The following PPP1R3F variants were observed in gnomAD, a reference collection of about 807,000 sequenced individuals.
The protein encoded by PPP1R3F is protein phosphatase 1, regulatory (inhibitor) subunit 3F.
Under a neutral mutation model 24.2 loss-of-function variants are expected in PPP1R3F, and 29 were observed. The ratio of observed to expected loss-of-function variants is 1.20; its 90% CI spans 0.89 to 1.63. PPP1R3F has a LOEUF of 1.63. PPP1R3F is among the 40% of genes most tolerant of loss of function. The pLI, the probability that PPP1R3F is intolerant of heterozygous loss-of-function variation, is 0.00. For missense variants in PPP1R3F, 823 were observed against 729.3 expected, an observed-to-expected ratio of 1.13 and a Z score of -1.48; for synonymous variants, 363 against 340.1, an observed-to-expected ratio of 1.07 and a Z score of -0.74.
rs1276668976 is a variant in PPP1R3F, at chrX:49,287,325, C to G, written c.*235C>G. On this transcript the variant is annotated 3_prime_UTR_variant, in exon 4 of 4. Coordinates refer to ENST00000055335, the MANE Select transcript of PPP1R3F (RefSeq NM_033215.5). ...AACTGGGCATGTCCTCCGCCTACCC[C>G]CCGAGCCTGTATTTATTTTTGTATA... 1.3e-5 allele frequency: 5 copies of G among 371,025 alleles called. No homozygotes were observed. In the Admixed American group the frequency reaches 2.0e-4, roughly 15 times the overall value. The allele number at this position is 371,025 out of a possible 1,213,427, so 30.6% of individuals were successfully genotyped here. A position where few individuals can be genotyped will look rare whatever the true frequency, so the allele number is the denominator to read the frequency against.
In PPP1R3F at chrX:49,286,880, G is replaced by A; in HGVS notation, c.2190G>A (p.Lys730=). The A allele has an allele frequency of 8.4e-7, 1 of 1,191,605 alleles. No individual in the cohort carries two copies. The highest frequency in any genetic ancestry group is 3.0e-5 in the East Asian group (1 of 33,679). ...CTCATGTGAGCTCCCAGGATGAAAA[G>A]GATGCAGGCCCAAGCCTTGAACCCC... ...ARPHVSSQDE[K]DAGPSLEPPK... is the part of the protein sequence containing the mutation. The change falls in exon 4 of 4, where the codon AAG becomes AAA. Residue 730 remains lysine, a synonymous_variant. Coordinates refer to ENST00000055335, the MANE Select transcript of PPP1R3F (RefSeq NM_033215.5).
intron 1 of PPP1R3F, chrX:49,272,943 T>A (rs868923405): frequency 1.8e-5 from 2 of 109,912 alleles, no homozygotes; most frequent in African/African-American, 6.6e-5. Flanking sequence ...TTTTTTTTTT[T>A]AAACTGGTCC....
chrX:49,285,684 C>T, intron 3 of PPP1R3F, 150 bp from the exon 4 acceptor site: 1 of 459,739 alleles, frequency 2.2e-6, no homozygotes, highest in Admixed American at 5.0e-5. Context: ...TAGACAGTGA[C>T]AGAGGGCGCT....
At position 49,270,142 on chromosome X, in the gene PPP1R3F, G is replaced by A. The variant is rs782360519; in HGVS notation, c.273G>A (p.Gly91=). The change falls in exon 1 of 4, where the codon GGG becomes GGA. Residue 91 remains glycine, a synonymous_variant. Coordinates refer to ENST00000055335, the MANE Select transcript of PPP1R3F (RefSeq NM_033215.5). Reference sequence around the variant, plus strand: ...ACGATGGCGAGGATGGGGATGAAGGGGAGGAGGAAGAGGAGGCTTGCCCCG... The same window carrying A: ...ACGATGGCGAGGATGGGGATGAAGGAGAGGAGGAAGAGGAGGCTTGCCCCG... ...EDDDGEDGDE[G]EEEEEACPEP... 7.7e-5 allele frequency: 83 copies of A among 1,075,062 alleles called. No individual in the cohort carries two copies. The Admixed American group carries it at 1.2e-3, about 15-fold the overall frequency. The allele number at this position is 1,075,062 out of a possible 1,213,427, so 88.6% of individuals were successfully genotyped here. A position where few individuals can be genotyped will look rare whatever the true frequency, so the allele number is the denominator to read the frequency against.
intron 1 of PPP1R3F, among the ~76,000 whole-genome samples, chrX:49,271,284 C>T (rs2066178534): frequency 9.0e-6 from 1 of 111,447 alleles, no homozygotes; most frequent in Non-Finnish European, 1.9e-5. Context: ...GGAGGTGAGT[C>T]CCGAATGATG....
chrX:49,271,093 C>G (rs782114988), intron 1 of PPP1R3F, among the ~76,000 whole-genome samples: 11 of 112,021 alleles, frequency 9.8e-5, no homozygotes, highest in Non-Finnish European at 1.7e-4. Context: ...AAGCCCTGAA[C>G]AAGACAGACA....
intron 3 of PPP1R3F, among the ~76,000 whole-genome samples, chrX:49,297,408 G>T (rs1218957098): frequency 9.1e-6 from 1 of 109,493 alleles, no homozygotes; most frequent in Non-Finnish European, 1.9e-5. Context: ...TAGAGACGGG[G>T]TTTCACCGTG....
chrX:49,301,424 C>T (rs1557123353), exon 4 of PPP1R3F: 1 of 624,366 alleles, frequency 1.6e-6, no homozygotes, highest in East Asian at 6.6e-5. Flanking sequence ...GAAATTTGTT[C>T]ATTAAAATTC....
intron 3 of PPP1R3F, among the ~76,000 whole-genome samples, chrX:49,296,529 C>T (rs1245092148): frequency 1.8e-5 from 2 of 111,412 alleles, no homozygotes; most frequent in African/African-American, 3.3e-5. Context: ...CAGTTCTGCT[C>T]TGATCTTAGT....
At chrX:49,288,978 A>G (rs782513148), downstream of PPP1R3F, among the ~76,000 whole-genome samples, 1 of 110,729 alleles carries the variant, frequency 9.0e-6, no homozygotes, top group Non-Finnish European at 1.9e-5. Context: ...TACTAAAAAT[A>G]CAAAAATTAG....
chrX:49,270,027 G>A lies in PPP1R3F; in HGVS notation c.158G>A (p.Arg53His), dbSNP rs2066160929. Residue 53 changes from arginine to histidine, a missense_variant, in exon 1 of 4, where the codon CGC (arginine) becomes CAC (histidine). Physicochemically the swap from Arg to His is conservative, Grantham distance 29. Transcript: ENST00000055335. ...ALGLPLAQLR[R>H]YRPWGGPGAG... The stretch of plus-strand genomic sequence containing the variant: ...GGGCTGCCGCTGGCGCAGTTGCGCC[G>A]CTACCGGCCGTGGGGCGGGCCCGGG... The A allele has an allele frequency of 1.1e-6, 1 of 938,428 alleles. No homozygotes were observed. Among genetic ancestry groups the A allele is most frequent in the Non-Finnish European group, 1.3e-6 (1 of 757,627 alleles). The allele number at this position is 938,428 out of a possible 1,213,427, so 77.3% of individuals were successfully genotyped here.
intron 3 of PPP1R3F, chrX:49,301,222 T>G (rs1469991814): frequency 6.2e-6 from 2 of 324,616 alleles, no homozygotes; most frequent in African/African-American, 5.6e-5. Flanking sequence ...AGACACAGGA[T>G]CACCTTTAGG....
chrX:49,286,224 G>A lies in PPP1R3F; in HGVS notation c.1534G>A (p.Gly512Arg). The change falls in exon 4 of 4, where the codon GGG (glycine) becomes AGG (arginine). Residue 512 changes from glycine to arginine, a missense_variant. Transcript: ENST00000055335. ...GGCTGCGGGTGGGGCAGGGGGTGGT[G>A]GGGAGGGCTCCACAGATGGAGGGAT... is the stretch of plus-strand genomic sequence containing the variant. Reference protein sequence around the residue: ...AVAAGGAGGGGEGSTDGGMSP... With the variant: ...AVAAGGAGGGREGSTDGGMSP... 1.7e-6 allele frequency: 2 copies of A among 1,209,047 alleles called. No individual in the cohort carries two copies. Among genetic ancestry groups the A allele is most frequent in the Non-Finnish European group, 2.2e-6 (2 of 894,372 alleles).
intron 1 of PPP1R3F, chrX:49,281,055 G>T (rs782206139): frequency 1.7e-5 from 3 of 174,829 alleles, no homozygotes; most frequent in Non-Finnish European, 2.1e-5. Flanking sequence ...AGTGTATAAT[G>T]ATGTTTCTTA....
Position 49,270,396 on chromosome X carries a change from A to G in PPP1R3F, c.527A>G (p.Glu176Gly), listed in dbSNP as rs1557118813. ...GTACGCGTGCTGAACCGCTCCTTCG[A>G]GAAGGCGGTGCACGTGCGGGCCTCA... ...GLVRVLNRSF[E>G]KAVHVRASHD... Residue 176 changes from glutamate (E) to glycine (G), a missense_variant, in exon 1 of 4, where the codon GAG becomes GGG. Glu to Gly is a moderately conservative substitution (Grantham distance 98, BLOSUM62 -2). Coordinates refer to ENST00000055335, the MANE Select transcript of PPP1R3F (RefSeq NM_033215.5). The G allele has an allele frequency of 1.7e-6, 2 of 1,169,180 alleles. No homozygotes were observed. Among genetic ancestry groups the G allele is most frequent in the South Asian group, 1.9e-5 (1 of 53,676 alleles).
chrX:49,293,647 A>C (rs1257882718), intron 3 of PPP1R3F, among the ~76,000 whole-genome samples: 1 of 112,343 alleles, frequency 8.9e-6, no homozygotes, highest in Admixed American at 9.4e-5. Context: ...GCTCAAAACC[A>C]AACAAAACTA....
chrX:49,293,824 A>G (rs2066315630), intron 3 of PPP1R3F, among the ~76,000 whole-genome samples: 2 of 111,709 alleles, frequency 1.8e-5, no homozygotes, highest in South Asian at 7.5e-4. Context: ...GGAGAACCCC[A>G]TCTCTACAAA....
chrX:49,290,084 A>ACC (rs111857735), downstream of PPP1R3F, among the ~76,000 whole-genome samples: 49 of 106,445 alleles, frequency 4.6e-4, no homozygotes, highest in African/African-American at 1.4e-3. Flanking sequence ...AAACAAAACA[A>ACC]CCCCCCCCAT....
At chrX:49,284,799 C>T (rs370746348) in intron 3 of PPP1R3F, among the ~76,000 whole-genome samples, 22 of 111,739 alleles carry the variant, frequency 2.0e-4, no homozygotes, top group African/African-American at 7.1e-4. Flanking sequence ...AGGCGTGAGC[C>T]ACTGAGCCTG....
Sources: allele counts gnomAD v4.1 joint callset (sites outside exome capture counted in the v4.1 genomes callset), GRCh38; gene constraint gnomAD v4.1.1; transcripts MANE v1.5; gene names NCBI Gene and HGNC (gene_info 2026-07-23, HGNC 2026-07-21).